MEGF11: variants seen among roughly 807,000 people sequenced by gnomAD.
MEGF11 encodes multiple epidermal growth factor-like domains protein 11.
In MEGF11, 126 loss-of-function variants were observed where a neutral mutation model predicts 146.6. That is an observed-to-expected ratio of 0.86 (90% CI 0.74 to 1.00). The LOEUF is 1.00. Among genes scored for constraint, MEGF11 ranks in the 50% least tolerant of loss-of-function variants. MEGF11 has a pLI of 0.00. For missense variants in MEGF11, 1,509 were observed against 1,521.2 expected, an observed-to-expected ratio of 0.99 and a Z score of 0.13; for synonymous variants, 532 against 583.4, an observed-to-expected ratio of 0.91 and a Z score of 1.27.
chr15:65,916,730 C>T, intron 17 of MEGF11, 98 bp downstream of exon 17: 2 of 1,545,366 alleles, frequency 1.3e-6, no homozygotes, highest in Non-Finnish European at 1.8e-6. Context: ...GGGCTGCCTG[C>T]ATTCCTCCCT....
intron 5 of MEGF11, among the ~76,000 whole-genome samples, chr15:66,057,246 T>TCGGGGAGGTTGGCTGGTGG (rs1220966495): frequency 6.6e-6 from 1 of 152,052 alleles, no homozygotes; most frequent in Non-Finnish European, 1.5e-5. Flanking sequence ...GGGTAGGGCG[T>TCGGGGAGGTTGGCTGGTGG]CGGGGAGGTT....
At chr15:65,920,037 A>G (rs1049760694) in intron 15 of MEGF11, among the ~76,000 whole-genome samples, 5 of 152,246 alleles carry the variant, frequency 3.3e-5, no homozygotes, top group African/African-American at 1.2e-4. Context: ...TAGTCTCACT[A>G]TTATGCCTTA....
At position 66,060,343 on chromosome 15, in the gene MEGF11, C is replaced by T. The variant is rs532530084; in HGVS notation, c.394+34059G>A. On this transcript the variant is annotated intron_variant, in intron 5 of 25. Transcript: ENST00000395614. ...AATCCAAATCCAATAAAATCCCAAACTCCTTTCCATGCCCTTGAGACCCCC... is the reference window on the plus strand; with the variant it reads ...AATCCAAATCCAATAAAATCCCAAATTCCTTTCCATGCCCTTGAGACCCCC... 5.3e-5 allele frequency among the ~76,000 whole-genome samples: 8 copies of T among 152,284 alleles called. No individual in the cohort carries two copies. The East Asian group carries it at 1.3e-3, about 26-fold the overall frequency.
At chr15:65,937,179 C>T (rs1423292115) in intron 10 of MEGF11, among the ~76,000 whole-genome samples, 1 of 152,218 alleles carries the variant, frequency 6.6e-6, no homozygotes, top group Non-Finnish European at 1.5e-5. Context: ...GTTGTGCTGT[C>T]TACACCTGCC....
chr15:65,974,850 TTTC>T (rs770559121), intron 7 of MEGF11, among the ~76,000 whole-genome samples: 134 of 47,820 alleles, frequency 2.8e-3, no homozygotes, highest in Admixed American at 9.0e-3. Flanking sequence ...TTGGAAAAAC[TTTC>T]TTTTTTTTTG....
chr15:66,067,239 G>A (rs191282836), intron 5 of MEGF11, among the ~76,000 whole-genome samples: 114 of 152,202 alleles, frequency 7.5e-4, no homozygotes, highest in African/African-American at 2.6e-3. Flanking sequence ...ATCCAGTCTC[G>A]GGCCTAATGT....
At chr15:66,181,013 T>C (rs35740863) in intron 1 of MEGF11, among the ~76,000 whole-genome samples, 4,457 of 152,350 alleles carry the variant, frequency 0.029, 72 homozygotes, top group Middle Eastern at 0.075. Flanking sequence ...TAACAGAATA[T>C]ATTCATTAAA....
chr15:66,068,999 G>A (rs945285178), intron 5 of MEGF11, among the ~76,000 whole-genome samples: 6 of 152,182 alleles, frequency 3.9e-5, no homozygotes, highest in Non-Finnish European at 1.5e-5. Flanking sequence ...CAGTGTGCTT[G>A]GTCACTGGGT....
chr15:66,103,471 G>A (rs2086916813), intron 4 of MEGF11, among the ~76,000 whole-genome samples: 1 of 152,166 alleles, frequency 6.6e-6, no homozygotes, highest in Non-Finnish European at 1.5e-5. Context: ...AGGATTGTGA[G>A]GATTAAATGA....
intron 5 of MEGF11, among the ~76,000 whole-genome samples, chr15:66,034,406 T>G (rs370137611): frequency 0.029 from 4,435 of 151,944 alleles, 91 homozygotes; most frequent in Middle Eastern, 0.092. Flanking sequence ...TGGTTTTTTT[T>G]TTTTTGTTTT....
chr15:66,191,866 G>T (rs1028905414), intron 1 of MEGF11, among the ~76,000 whole-genome samples: 6 of 150,922 alleles, frequency 4.0e-5, no homozygotes, highest in African/African-American at 7.3e-5. Flanking sequence ...ACAAGGTCAA[G>T]AGATCGAGAC....
intron 1 of MEGF11, among the ~76,000 whole-genome samples, chr15:66,204,751 C>T (rs1025859236): frequency 1.6e-4 from 25 of 152,178 alleles, no homozygotes; most frequent in African/African-American, 5.1e-4. Context: ...GGAAGACCAC[C>T]GGTCTAGCAA....
intron 10 of MEGF11, among the ~76,000 whole-genome samples, chr15:65,935,991 C>T (rs2079771474): frequency 6.6e-6 from 1 of 152,192 alleles, no homozygotes; most frequent in Admixed American, 6.5e-5. Context: ...CGGCATATCC[C>T]CTGGCCCAAG....
chr15:66,053,184 G>A (rs2084522499), intron 5 of MEGF11, among the ~76,000 whole-genome samples: 1 of 152,130 alleles, frequency 6.6e-6, no homozygotes, highest in Non-Finnish European at 1.5e-5. Flanking sequence ...ACTTTCACTG[G>A]ATTAACTTTG....
At chr15:65,998,609 G>A (rs1025411274) in intron 5 of MEGF11, among the ~76,000 whole-genome samples, 7 of 152,152 alleles carry the variant, frequency 4.6e-5, no homozygotes, top group Non-Finnish European at 7.3e-5. Context: ...CACTAAAAGC[G>A]GGTGCTGCAT....
At chr15:65,929,677 G>C in intron 12 of MEGF11, 43 bp downstream of exon 12, 6 of 1,534,852 alleles carry the variant, frequency 3.9e-6, no homozygotes, top group Non-Finnish European at 5.3e-6. Context: ...AGGGCGTGAG[G>C]GGATGCGGAG....
chr15:66,060,698 T>A (rs2084867201), intron 5 of MEGF11, among the ~76,000 whole-genome samples: 1 of 152,228 alleles, frequency 6.6e-6, no homozygotes, highest in Non-Finnish European at 1.5e-5. Flanking sequence ...TCCCTCTCTC[T>A]AGACTGTGAG....
intron 5 of MEGF11, among the ~76,000 whole-genome samples, chr15:66,015,453 A>G (rs1481561114): frequency 6.6e-6 from 1 of 152,224 alleles, no homozygotes; most frequent in Non-Finnish European, 1.5e-5. Context: ...GTTTTTGACC[A>G]TTCACTGTGA....
intron 9 of MEGF11, among the ~76,000 whole-genome samples, chr15:65,960,127 T>C (rs892981896): frequency 2.0e-5 from 3 of 152,244 alleles, no homozygotes; most frequent in Non-Finnish European, 2.9e-5. Context: ...TATGAAAATA[T>C]ATCAAATCTA....
Sources: allele counts gnomAD v4.1 joint callset (sites outside exome capture counted in the v4.1 genomes callset), GRCh38; gene constraint gnomAD v4.1.1; transcripts MANE v1.5; gene names NCBI Gene and HGNC (gene_info 2026-07-23, HGNC 2026-07-21).